The following MTPN variants were observed in gnomAD, a reference collection of about 807,000 sequenced individuals.
MTPN encodes the protein myotrophin.
Under a neutral mutation model 13.5 loss-of-function variants are expected in MTPN, and 2 were observed. The observed-to-expected ratio is 0.15, with a 90% confidence interval of 0.06 to 0.47. MTPN has a LOEUF of 0.47. MTPN is among the 20% of genes least tolerant of loss of function. MTPN has a pLI of 0.97. For synonymous variants in MTPN, 46 were observed against 51.7 expected (o/e 0.89, Z 0.48); for missense variants, 79 against 137.9 (o/e 0.57, Z 2.14).
intron 1 of MTPN, among the ~76,000 whole-genome samples, chr7:135,972,073 T>C (rs962014478): frequency 6.6e-5 from 10 of 152,248 alleles, no homozygotes; most frequent in African/African-American, 2.4e-4. Flanking sequence ...GTTGCCATTT[T>C]TGTCTTCATT....
intron 1 of MTPN, among the ~76,000 whole-genome samples, chr7:135,970,349 C>T (rs1372355534): frequency 6.6e-6 from 1 of 152,120 alleles, no homozygotes; most frequent in Non-Finnish European, 1.5e-5. Context: ...AGATCTTTAC[C>T]TTTCAGTCCT....
chr7:135,950,489 C>T (rs528672834), intron 3 of MTPN, 110 bp downstream of exon 3: 18 of 868,998 alleles, frequency 2.1e-5, no homozygotes, highest in African/African-American at 1.9e-4. Flanking sequence ...TTGTATATTG[C>T]TTCCAGTTTT....
intron 3 of MTPN, among the ~76,000 whole-genome samples, chr7:135,933,098 CAAAAAAAAAAA>C (rs56865854): frequency 6.3e-5 from 4 of 63,066 alleles, no homozygotes; most frequent in Non-Finnish European, 1.2e-4. Context: ...CACTCAGCCT[CAAAAAAAAAAA>C]AAAAAAAAAA....
At chr7:135,966,366 C>A (rs1398095583) in intron 1 of MTPN, among the ~76,000 whole-genome samples, 1 of 152,088 alleles carries the variant, frequency 6.6e-6, no homozygotes, top group East Asian at 1.9e-4. Context: ...CAGTTATTTA[C>A]CCTCATGATT....
chr7:135,976,080 T>C (rs910519016), intron 1 of MTPN, among the ~76,000 whole-genome samples: 44 of 152,352 alleles, frequency 2.9e-4, no homozygotes, highest in African/African-American at 1.0e-3. Flanking sequence ...GGAAGATTCA[T>C]TTTAGATTAT....
At chr7:135,936,245 G>A (rs1246583155) in intron 3 of MTPN, among the ~76,000 whole-genome samples, 2 of 152,208 alleles carry the variant, frequency 1.3e-5, no homozygotes, top group South Asian at 2.1e-4. Context: ...AACACTTTGG[G>A]AGGCCAGGGT....
At chr7:135,969,478 A>G (rs1799660302) in intron 1 of MTPN, among the ~76,000 whole-genome samples, 1 of 151,508 alleles carries the variant, frequency 6.6e-6, no homozygotes, top group South Asian at 2.1e-4. Flanking sequence ...AACGTGCAAA[A>G]AAAAAAAGAG....
At chr7:135,953,821 T>C (rs1799400303) in intron 1 of MTPN, among the ~76,000 whole-genome samples, 1 of 152,200 alleles carries the variant, frequency 6.6e-6, no homozygotes, top group Admixed American at 6.5e-5. Context: ...TATTAGATGA[T>C]AAAACAATCT....
chr7:135,952,766 A>G (rs939106744), intron 1 of MTPN, among the ~76,000 whole-genome samples: 1 of 152,184 alleles, frequency 6.6e-6, no homozygotes, highest in Admixed American at 6.5e-5. Flanking sequence ...GTTCAAGACC[A>G]GCCTGGGAAA....
At chr7:135,936,607 C>A (rs1031245275) in intron 3 of MTPN, among the ~76,000 whole-genome samples, 1 of 152,194 alleles carries the variant, frequency 6.6e-6, no homozygotes, top group African/African-American at 2.4e-5. Flanking sequence ...CAAAGCATTT[C>A]CATTGTGAAC....
At chr7:135,950,007 TA>T (rs1799339595) in intron 3 of MTPN, among the ~76,000 whole-genome samples, 1 of 152,198 alleles carries the variant, frequency 6.6e-6, no homozygotes, top group Non-Finnish European at 1.5e-5. Context: ...ATCCATCTAA[TA>T]CAGCTAGAAT....
intron 3 of MTPN, among the ~76,000 whole-genome samples, chr7:135,940,892 A>C (rs1484531249): frequency 1.3e-5 from 2 of 152,232 alleles, no homozygotes; most frequent in Non-Finnish European, 2.9e-5. Context: ...CATTCTGTGA[A>C]TCTTTACTGA....
chr7:135,928,355 C>G lies in MTPN; in HGVS notation c.*1571G>C, dbSNP rs1412206189. 1 of 167,028 alleles carries G rather than the reference C, an allele frequency of 6.0e-6. No individual in the cohort carries two copies. The highest frequency in any genetic ancestry group is 2.1e-4 in the South Asian group (1 of 4,830). 10.3% of individuals were successfully genotyped at this position (167,028 alleles called of 1,614,324 possible). A position where few individuals can be genotyped will look rare whatever the true frequency, so the allele number is the denominator to read the frequency against. ...ACCCACATGCCAACCAACCAACCAA[C>G]CAGCAACTGATCAGTAAAACTTGTT... On this transcript the variant is annotated 3_prime_UTR_variant, in exon 4 of 4. Transcript: ENST00000393085.
intron 1 of MTPN, among the ~76,000 whole-genome samples, chr7:135,954,558 C>A (rs952572758): frequency 6.6e-6 from 1 of 152,118 alleles, no homozygotes. Context: ...ATTAACTGGA[C>A]GAGTCTTTAG....
intron 1 of MTPN, among the ~76,000 whole-genome samples, chr7:135,975,038 T>G (rs1198197391): frequency 6.6e-6 from 1 of 152,212 alleles, no homozygotes; most frequent in Non-Finnish European, 1.5e-5. Flanking sequence ...TAGTCCAACT[T>G]TCAATACTCC....
At chr7:135,960,777 G>A (rs1799509152) in intron 1 of MTPN, 1 of 151,514 alleles carries the variant, frequency 6.6e-6, no homozygotes, top group South Asian at 2.1e-4. Flanking sequence ...CTGCAAGAGT[G>A]ACACGCAAAT....
rs190411995 is a variant in MTPN at position 135,948,854 on chromosome 7, C to T, written c.270+1745G>A. The stretch of plus-strand genomic sequence containing the variant: ...AGCTCATTTAGTAAATGACAAGGGA[C>T]CTAAGCAAAAAATGATCCCATGGAG... On this transcript the variant is annotated intron_variant, in intron 3 of 3. Coordinates refer to ENST00000393085, the MANE Select transcript of MTPN (RefSeq NM_145808.4). Among the ~76,000 whole-genome samples the T allele has an allele frequency of 1.1e-3, 174 of 151,908 alleles. 1 individual carries two copies. The highest frequency in any genetic ancestry group is 2.0e-3 in the Non-Finnish European group (138 of 67,954).
Position 135,964,763 on chromosome 7 carries a change from T to C in MTPN, c.72+12266A>G, listed in dbSNP as rs1299635159. ...TTTCCAGTCCAACATCTTTGAATCATAAAGGTTTCTGAATAATGTTTTTGA... is the reference window on the plus strand; with the variant it reads ...TTTCCAGTCCAACATCTTTGAATCACAAAGGTTTCTGAATAATGTTTTTGA... On this transcript the variant is annotated intron_variant, in intron 1 of 3. Transcript: ENST00000393085. 2.6e-5 allele frequency among the ~76,000 whole-genome samples: 4 copies of C among 152,198 alleles called. No homozygotes were observed. In the East Asian group the frequency reaches 7.7e-4, roughly 29 times the overall value.
chr7:135,931,086 C>G (rs1799014790), intron 3 of MTPN, among the ~76,000 whole-genome samples: 1 of 152,134 alleles, frequency 6.6e-6, no homozygotes, highest in Admixed American at 6.5e-5. Context: ...GTGTTTCATG[C>G]CTTTATCCAT....
Sources: allele counts gnomAD v4.1 joint callset (sites outside exome capture counted in the v4.1 genomes callset), GRCh38; gene constraint gnomAD v4.1.1; transcripts MANE v1.5; gene names NCBI Gene and HGNC (gene_info 2026-07-23, HGNC 2026-07-21).